NR1I2: variants seen among roughly 807,000 people sequenced by gnomAD.
The protein encoded by NR1I2 is orphan nuclear receptor PAR1.
NR1I2 carries 42 observed loss-of-function variants against 43.3 expected under a neutral mutation model. The observed-to-expected ratio is 0.97, with a 90% confidence interval of 0.76 to 1.26. NR1I2 has a LOEUF of 1.26. Ranked by LOEUF, NR1I2 falls within the 50% of genes most tolerant of loss-of-function variation. The probability of loss-of-function intolerance (pLI) is 0.00; values close to 1 mark genes in which losing one functional copy is unlikely to be tolerated. For synonymous variants in NR1I2, 229 were observed against 215.0 expected (o/e 1.06, Z -0.57); for missense variants, 559 against 566.7 (o/e 0.99, Z 0.14).
chr3:119,783,178 A>T (rs1318803761), intron 1 of NR1I2, among the ~76,000 whole-genome samples: 1 of 152,172 alleles, frequency 6.6e-6, no homozygotes, highest in Non-Finnish European at 1.5e-5. Context: ...AATGGGAAAA[A>T]GTATTTTGTG....
At chr3:119,783,205 TA>T (rs754071555) in intron 1 of NR1I2, among the ~76,000 whole-genome samples, 3 of 152,242 alleles carry the variant, frequency 2.0e-5, no homozygotes, top group Non-Finnish European at 4.4e-5. Context: ...AAATACGCTT[TA>T]AAAATATTTT....
intron 1 of NR1I2, among the ~76,000 whole-genome samples, chr3:119,783,110 T>G (rs1282651069): frequency 6.6e-6 from 1 of 151,868 alleles, no homozygotes; most frequent in Non-Finnish European, 1.5e-5. Flanking sequence ...TCTAATGATA[T>G]GGTCAGAGTT....
intron 1 of NR1I2, among the ~76,000 whole-genome samples, chr3:119,796,169 T>C (rs1330477388): frequency 6.6e-6 from 1 of 152,200 alleles, no homozygotes; most frequent in Non-Finnish European, 1.5e-5. Flanking sequence ...AGTTGTGATC[T>C]ACCCTGTACC....
intron 1 of NR1I2, chr3:119,792,615 C>T: frequency 3.3e-6 from 2 of 613,044 alleles, no homozygotes; most frequent in Non-Finnish European, 5.9e-6. Context: ...ATTCTTAACA[C>T]TGCCTTCCTT....
intron 1 of NR1I2, among the ~76,000 whole-genome samples, chr3:119,788,224 C>G (rs967744059): frequency 6.6e-6 from 1 of 152,122 alleles, no homozygotes; most frequent in Admixed American, 6.5e-5. Flanking sequence ...AGTGATCCTC[C>G]CGCCTCAGCC....
rs1358603365 is a variant in NR1I2 at position 119,807,525 on chromosome 3, GT to G, written c.197+79del. On this transcript the variant is annotated intron_variant, in intron 2 of 8. Coordinates refer to ENST00000393716, the MANE Select transcript of NR1I2 (RefSeq NM_003889.4). ...ACGTCTCAGGGCCTCAGCTTGACCT[GT>G]CCCCCAGGTTCAGAGTGTGGGCTGG... 53 of 1,280,822 alleles carry G rather than the reference GT, an allele frequency of 4.1e-5. 1 individual carries two copies. The East Asian group carries it at 1.2e-3, about 30-fold the overall frequency. The allele number at this position is 1,280,822 out of a possible 1,614,324, so 79.3% of individuals were successfully genotyped here.
chr3:119,808,707 T>C (rs1472968515), intron 2 of NR1I2, among the ~76,000 whole-genome samples: 3 of 152,234 alleles, frequency 2.0e-5, no homozygotes, highest in Non-Finnish European at 4.4e-5. Flanking sequence ...TTTCAGCTTG[T>C]CATGTACCTG....
intron 1 of NR1I2, among the ~76,000 whole-genome samples, chr3:119,798,556 C>T (rs564291760): frequency 2.0e-5 from 3 of 149,250 alleles, no homozygotes; most frequent in Non-Finnish European, 3.0e-5. Flanking sequence ...AGGAGAATGG[C>T]GTGAACCCGG....
rs2055148799 is a variant in NR1I2, at chr3:119,805,712, C to CCG, written c.-22-1516_-22-1515insGC. On this transcript the variant is annotated intron_variant, in intron 1 of 8. Coordinates refer to ENST00000393716, the MANE Select transcript of NR1I2 (RefSeq NM_003889.4). ...AGCAAGACTTGGTCCCCCCCTCCCCCCCACCAAAAAAAAAAGAAAAGAAAA... is the reference window on the plus strand; with the variant it reads ...AGCAAGACTTGGTCCCCCCCTCCCCCCGCCACCAAAAAAAAAAGAAAAGAAAA... Among the ~76,000 whole-genome samples, 4 of 45,260 alleles carry CCG rather than the reference C, an allele frequency of 8.8e-5. No individual in the cohort carries two copies. The East Asian group carries it at 8.8e-3, about 99-fold the overall frequency. The allele number at this position is 45,260 out of a possible 152,430, so 29.7% of individuals were successfully genotyped here.
intron 1 of NR1I2, among the ~76,000 whole-genome samples, chr3:119,796,717 CT>C (rs577648739): frequency 7.2e-5 from 11 of 152,250 alleles, no homozygotes; most frequent in Non-Finnish European, 1.5e-4. Flanking sequence ...GGGGCTCCCC[CT>C]GGCCCAGCCT....
chr3:119,815,733 A>G lies in NR1I2; in HGVS notation c.1062A>G (p.Pro354=), dbSNP rs2055317352. The change falls in exon 8 of 9, where the codon CCA becomes CCG. Residue 354 remains proline, a synonymous_variant. Transcript: ENST00000393716. ...CACCTCCCTCCCCTCCAGACCGCCC[A>G]GGTGTGCTGCAGCACCGCGTGGTGG... The G allele has an allele frequency of 6.2e-7, 1 of 1,612,962 alleles. No homozygotes were observed. Among genetic ancestry groups the G allele is most frequent in the Non-Finnish European group, 8.5e-7 (1 of 1,179,600 alleles).
At chr3:119,811,365 C>T in intron 3 of NR1I2, 174 bp from the exon 4 acceptor site, 1 of 636,986 alleles carries the variant, frequency 1.6e-6, no homozygotes, top group Non-Finnish European at 2.7e-6. Flanking sequence ...AAGTGTTTCT[C>T]CAGAAGAGCC....
intron 1 of NR1I2, among the ~76,000 whole-genome samples, chr3:119,803,592 G>T (rs971181505): frequency 1.3e-5 from 2 of 152,152 alleles, no homozygotes; most frequent in African/African-American, 4.8e-5. Flanking sequence ...ATGGCAACCT[G>T]AATGCACTAA....
chr3:119,810,379 C>G (rs1393933533), intron 3 of NR1I2, 185 bp downstream of exon 3: 1 of 834,864 alleles, frequency 1.2e-6, no homozygotes, highest in Non-Finnish European at 1.8e-6. Flanking sequence ...AGTCGGCCCT[C>G]TGGGAGATGG....
intron 1 of NR1I2, among the ~76,000 whole-genome samples, chr3:119,799,917 T>C (rs1577276290): frequency 6.6e-6 from 1 of 151,944 alleles, no homozygotes; most frequent in African/African-American, 2.4e-5. Flanking sequence ...GAGGCAGAGG[T>C]TGTGCACCAC....
At chr3:119,805,519 A>T (rs1168715130) in intron 1 of NR1I2, among the ~76,000 whole-genome samples, 1 of 152,048 alleles carries the variant, frequency 6.6e-6, no homozygotes, top group Admixed American at 6.5e-5. Context: ...CCTGACCAAC[A>T]TGGTGAAACC....
chr3:119,784,563 G>T (rs2054818940), intron 1 of NR1I2, among the ~76,000 whole-genome samples: 1 of 152,008 alleles, frequency 6.6e-6, no homozygotes, highest in Admixed American at 6.6e-5. Flanking sequence ...GAATCTGTTA[G>T]TTTCCCTCTT....
intron 1 of NR1I2, among the ~76,000 whole-genome samples, chr3:119,783,156 AATC>A (rs1246828914): frequency 6.6e-6 from 1 of 151,480 alleles, no homozygotes; most frequent in Non-Finnish European, 1.5e-5. Context: ...AGGCTTATTT[AATC>A]AGTTGGTTAA....
chr3:119,812,114 C>T (rs1184105905), intron 4 of NR1I2, among the ~76,000 whole-genome samples: 2 of 151,834 alleles, frequency 1.3e-5, no homozygotes, highest in Non-Finnish European at 2.9e-5. Context: ...TAGGCAGTTC[C>T]CCAGTGTTGC....
Sources: gnomAD v4.1 joint callset for allele counts (sites outside exome capture counted in the v4.1 genomes callset) on GRCh38, gnomAD v4.1.1 for gene constraint, MANE v1.5 for transcripts, NCBI Gene and HGNC (gene_info 2026-07-23, HGNC 2026-07-21) for gene names.